REDIC1: variants seen among roughly 807,000 people sequenced by gnomAD.
The protein encoded by REDIC1 is regulator of DNA class I crossover intermediates 1.
chr12:39,638,133 C>A, the REDIC1 span, among the ~76,000 whole-genome samples: 9 of 151,924 alleles, frequency 5.9e-5, no homozygotes, highest in Non-Finnish European at 1.0e-4. Context: ...ATAAACAAGC[C>A]TGGAGACTTG....
chr12:39,696,984 A>C, the REDIC1 span, among the ~76,000 whole-genome samples: 3 of 152,152 alleles, frequency 2.0e-5, no homozygotes, highest in Non-Finnish European at 4.4e-5. Flanking sequence ...TTTACCTCCC[A>C]AGAGAAACAT....
At chr12:39,626,516 A>G in the REDIC1 span, among the ~76,000 whole-genome samples, 1 of 152,120 alleles carries the variant, frequency 6.6e-6, no homozygotes, top group African/African-American at 2.4e-5. Context: ...CTAGAACCAT[A>G]TCTCTACTCC....
the REDIC1 span, among the ~76,000 whole-genome samples, chr12:39,821,860 G>A: frequency 6.6e-6 from 1 of 151,924 alleles, no homozygotes; most frequent in Non-Finnish European, 1.5e-5. Flanking sequence ...TAATACAATC[G>A]ATCACACGTG....
chr12:39,727,371 C>G, the REDIC1 span, among the ~76,000 whole-genome samples: 5 of 152,154 alleles, frequency 3.3e-5, no homozygotes, highest in Non-Finnish European at 5.9e-5. Context: ...CTGCATATGG[C>G]TAGCCAGTTT....
chr12:39,694,137 T>C, the REDIC1 span, among the ~76,000 whole-genome samples: 1 of 152,096 alleles, frequency 6.6e-6, no homozygotes, highest in Non-Finnish European at 1.5e-5. Context: ...GGTTTTGGCA[T>C]TTTTTTTCTT....
the REDIC1 span, among the ~76,000 whole-genome samples, chr12:39,712,851 A>T: frequency 1.2e-5 from 1 of 83,972 alleles, no homozygotes; most frequent in Admixed American, 1.4e-4. Flanking sequence ...ACGTATATAC[A>T]CATATGTATA....
At chr12:39,809,290 T>G in the REDIC1 span, among the ~76,000 whole-genome samples, 1 of 152,224 alleles carries the variant, frequency 6.6e-6, no homozygotes. Flanking sequence ...TTTACCAACA[T>G]CACATTGTCT....
At chr12:39,771,989 A>T in the REDIC1 span, among the ~76,000 whole-genome samples, 1 of 152,010 alleles carries the variant, frequency 6.6e-6, no homozygotes, top group Non-Finnish European at 1.5e-5. Context: ...ATCTACCATC[A>T]ATTCCTACCT....
At chr12:39,660,586 A>G in the REDIC1 span, among the ~76,000 whole-genome samples, 2 of 152,138 alleles carry the variant, frequency 1.3e-5, no homozygotes, top group Non-Finnish European at 2.9e-5. Flanking sequence ...GCATGCATGG[A>G]ATGTGTAATA....
the REDIC1 span, among the ~76,000 whole-genome samples, chr12:39,743,912 G>A: frequency 6.4e-3 from 971 of 152,254 alleles, 16 homozygotes; most frequent in African/African-American, 0.022. Flanking sequence ...GAAAGGAACA[G>A]AAGAAATAGC....
At chr12:39,779,908 G>A in the REDIC1 span, among the ~76,000 whole-genome samples, 1 of 152,218 alleles carries the variant, frequency 6.6e-6, no homozygotes, top group African/African-American at 2.4e-5. Flanking sequence ...GAGAATGAAT[G>A]CAAGCTGATT....
At chr12:39,901,262 A>T in the REDIC1 span, among the ~76,000 whole-genome samples, 1 of 152,204 alleles carries the variant, frequency 6.6e-6, no homozygotes, top group Non-Finnish European at 1.5e-5. Flanking sequence ...AGGCAATACC[A>T]TTCAGGACAT....
At chr12:39,640,809 A>G in the REDIC1 span, 1 of 502,262 alleles carries the variant, frequency 2.0e-6, no homozygotes, top group Non-Finnish European at 3.5e-6. Flanking sequence ...TACTTTAAGA[A>G]TATTTTTATA....
chr12:39,665,533 T>A, the REDIC1 span, among the ~76,000 whole-genome samples: 1 of 150,318 alleles, frequency 6.7e-6, no homozygotes, highest in Non-Finnish European at 1.5e-5. Flanking sequence ...TTCTTTTGGC[T>A]TAGGATTGAC....
the REDIC1 span, among the ~76,000 whole-genome samples, chr12:39,870,793 G>A: frequency 6.6e-6 from 1 of 152,174 alleles, no homozygotes; most frequent in Non-Finnish European, 1.5e-5. Flanking sequence ...AGAACAGGAG[G>A]TGAAAGCGTT....
At chr12:39,632,781 A>T in the REDIC1 span, among the ~76,000 whole-genome samples, 1 of 152,194 alleles carries the variant, frequency 6.6e-6, no homozygotes, top group African/African-American at 2.4e-5. Context: ...ATTGTAGGTA[A>T]TTATAACACA....
the REDIC1 span, among the ~76,000 whole-genome samples, chr12:39,865,837 G>A: frequency 6.6e-6 from 1 of 152,106 alleles, no homozygotes; most frequent in African/African-American, 2.4e-5. Flanking sequence ...AAAAACACAC[G>A]GATACAATGA....
the REDIC1 span, among the ~76,000 whole-genome samples, chr12:39,887,703 T>C: frequency 6.6e-6 from 1 of 152,216 alleles, no homozygotes; most frequent in Non-Finnish European, 1.5e-5. Flanking sequence ...CCTATCATTC[T>C]GTTGTGAAGA....
At chr12:39,742,877 GAGCAGAAACCCATA>G in the REDIC1 span, among the ~76,000 whole-genome samples, 1 of 152,130 alleles carries the variant, frequency 6.6e-6, no homozygotes, top group African/African-American at 2.4e-5. Flanking sequence ...CTATTTACCA[GAGCAGAAACCCATA>G]AGCAGAAACC....
Sources: gnomAD v4.1 joint callset for allele counts (sites outside exome capture counted in the v4.1 genomes callset) on GRCh38, gnomAD v4.1.1 for gene constraint, MANE v1.5 for transcripts, NCBI Gene and HGNC (gene_info 2026-07-23, HGNC 2026-07-21) for gene names.